Variants in EXOG observed in about 807,000 individuals in gnomAD.
EXOG encodes exo/endonuclease G.
In EXOG, 27 loss-of-function variants were observed where a neutral mutation model predicts 25.8. The ratio of observed to expected loss-of-function variants is 1.05; its 90% CI spans 0.77 to 1.45. The LOEUF (loss-of-function observed/expected upper bound fraction) is 1.45, where lower values mean the gene tolerates loss of function less well. Among genes scored for constraint, EXOG ranks in the 40% most tolerant of loss-of-function variants. EXOG has a pLI of 0.00. For synonymous variants in EXOG, 133 were observed against 167.0 expected (o/e 0.80, Z 1.57); for missense variants, 458 against 450.5 (o/e 1.02, Z -0.15).
In EXOG at chr3:38,525,921, G is replaced by T. The variant is rs1231426622; in HGVS notation, c.*1559G>T. The T allele has an allele frequency of 5.3e-6, 5 of 943,772 alleles. No individual in the cohort carries two copies. The highest frequency in any genetic ancestry group is 6.3e-6 in the Non-Finnish European group (5 of 792,290). The allele number at this position is 943,772 out of a possible 1,614,324, so 58.5% of individuals were successfully genotyped here. Reference sequence around the variant, plus strand: ...GTCATGCCACTGGACGCCAGCCTGGGCCACAGAGGGAGACCCTGTCTCAAA... The same window carrying T: ...GTCATGCCACTGGACGCCAGCCTGGTCCACAGAGGGAGACCCTGTCTCAAA... On this transcript the variant is annotated 3_prime_UTR_variant, in exon 6 of 6. Transcript: ENST00000287675.
intron 2 of EXOG, among the ~76,000 whole-genome samples, chr3:38,500,518 A>G (rs1439887453): frequency 6.6e-6 from 1 of 152,202 alleles, no homozygotes; most frequent in Non-Finnish European, 1.5e-5. Flanking sequence ...CTTTACTGTA[A>G]ACTTTGGGAT....
At chr3:38,502,737 A>C (rs1163850003) in intron 3 of EXOG, among the ~76,000 whole-genome samples, 1 of 152,180 alleles carries the variant, frequency 6.6e-6, no homozygotes, top group Admixed American at 6.5e-5. Flanking sequence ...TTTTTGATTC[A>C]GTATTCAATC....
intron 5 of EXOG, among the ~76,000 whole-genome samples, chr3:38,511,073 G>A (rs2060354992): frequency 6.6e-6 from 1 of 152,116 alleles, no homozygotes; most frequent in African/African-American, 2.4e-5. Context: ...TCAAGTACCT[G>A]TCATGTGGGA....
At chr3:38,507,835 A>C (rs906147673) in intron 5 of EXOG, among the ~76,000 whole-genome samples, 3 of 152,166 alleles carry the variant, frequency 2.0e-5, no homozygotes. Context: ...AAGTTCCAGG[A>C]TAACAACTAG....
chr3:38,501,533 G>A (rs201495281), intron 3 of EXOG, 39 bp downstream of exon 3: 2 of 1,593,160 alleles, frequency 1.3e-6, no homozygotes, highest in Admixed American at 1.7e-5. Context: ...ATATGGGGCT[G>A]ATGTTATGCA....
chr3:38,497,581 T>A, intron 1 of EXOG, 48 bp from the exon 2 acceptor site: 1 of 1,541,304 alleles, frequency 6.5e-7, no homozygotes, highest in Non-Finnish European at 8.6e-7. Context: ...TGTGTGTGTG[T>A]GTTTTTTTTG....
chr3:38,497,643 G>A lies in EXOG; in HGVS notation c.178G>A (p.Ala60Thr). The A allele has an allele frequency of 1.9e-6, 3 of 1,570,434 alleles. No individual in the cohort carries two copies. The highest frequency in any genetic ancestry group is 2.6e-6 in the Non-Finnish European group (3 of 1,166,646). ...GKQPDGSAEK[A>T]VLEQFGFPLT... is the part of the protein sequence containing the mutation. ...TTCATTTTTAGGATCTGCAGAAAAGGCTGTCTTGGAACAATTTGGATTCCC... is the reference window on the plus strand; with the variant it reads ...TTCATTTTTAGGATCTGCAGAAAAGACTGTCTTGGAACAATTTGGATTCCC... The change falls in exon 2 of 6, where the codon GCT becomes ACT. Residue 60 changes from alanine (A) to threonine (T), a missense_variant. Transcript: ENST00000287675.
chr3:38,505,836 C>T (rs1357042000), intron 4 of EXOG, among the ~76,000 whole-genome samples: 2 of 151,788 alleles, frequency 1.3e-5, no homozygotes, highest in Admixed American at 1.3e-4. Flanking sequence ...TGTGGTGGCA[C>T]ACACCTAAAA....
rs1259707137 is a variant in EXOG at position 38,526,120 on chromosome 3, C to T, written c.*1758C>T. 10 of 985,238 alleles carry T rather than the reference C, an allele frequency of 1.0e-5. No individual in the cohort carries two copies. The highest frequency in any genetic ancestry group is 1.2e-5 in the Non-Finnish European group (10 of 829,918). 61.0% of individuals were successfully genotyped at this position (985,238 alleles called of 1,614,324 possible). A position where few individuals can be genotyped will look rare whatever the true frequency, so the allele number is the denominator to read the frequency against. ...CCAGATCTCTTGATTTGGGTTTACA[C>T]GGAGTCCTTTCATGGACTATCCTGA... On this transcript the variant is annotated 3_prime_UTR_variant, in exon 6 of 6. Transcript: ENST00000287675.
At position 38,521,715 on chromosome 3, in the gene EXOG, T is replaced by C. The variant is rs1006720293; in HGVS notation, c.646-2186T>C. 3.3e-5 allele frequency among the ~76,000 whole-genome samples: 5 copies of C among 152,154 alleles called. No homozygotes were observed. The South Asian group carries it at 8.3e-4, about 25-fold the overall frequency. On this transcript the variant is annotated intron_variant, in intron 5 of 5. Coordinates refer to ENST00000287675, the MANE Select transcript of EXOG (RefSeq NM_005107.4). ...GTGCCCTCAGTTCTGGTCCCCAGCT[T>C]CCCCTGAATCCCCTTCGTGCTGTTA...
At chr3:38,497,075 CAA>C (rs5848435) in intron 1 of EXOG, 681 of 895,590 alleles carry the variant, frequency 7.6e-4, no homozygotes, top group South Asian at 1.3e-3. Context: ...TTATATTTGA[CAA>C]AAAAAAAAAA....
chr3:38,519,976 G>T (rs763207109), intron 5 of EXOG, among the ~76,000 whole-genome samples: 1 of 152,090 alleles, frequency 6.6e-6, no homozygotes, highest in Non-Finnish European at 1.5e-5. Flanking sequence ...TTTTAAGGGC[G>T]TGGTCTCTTG....
chr3:38,504,580 C>T (rs1217107040), intron 4 of EXOG, among the ~76,000 whole-genome samples: 1 of 152,042 alleles, frequency 6.6e-6, no homozygotes, highest in East Asian at 2.0e-4. Flanking sequence ...GGATTATAGG[C>T]ACACGCCACC....
chr3:38,522,255 G>A (rs2060739511), intron 5 of EXOG, among the ~76,000 whole-genome samples: 1 of 152,174 alleles, frequency 6.6e-6, no homozygotes, highest in African/African-American at 2.4e-5. Flanking sequence ...CATGTAGGTA[G>A]GAGCTTGAAA....
intron 5 of EXOG, among the ~76,000 whole-genome samples, chr3:38,517,624 C>T (rs1402082749): frequency 6.6e-6 from 1 of 152,170 alleles, no homozygotes; most frequent in Non-Finnish European, 1.5e-5. Flanking sequence ...CCCCAAAGCT[C>T]GTAGTATATG....
chr3:38,496,806 C>A, intron 1 of EXOG: 1 of 1,435,534 alleles, frequency 7.0e-7, no homozygotes, highest in Non-Finnish European at 9.2e-7. Flanking sequence ...TTACTCATCG[C>A]GATATCTATG....
At chr3:38,506,200 T>TA (rs2060198191) in intron 4 of EXOG, among the ~76,000 whole-genome samples, 1 of 152,172 alleles carries the variant, frequency 6.6e-6, no homozygotes, top group Non-Finnish European at 1.5e-5. Context: ...TTGCCATTTT[T>TA]ATCTGGTAAG....
intron 5 of EXOG, among the ~76,000 whole-genome samples, chr3:38,522,693 G>A (rs6776060): frequency 0.065 from 9,908 of 151,988 alleles, 890 homozygotes; most frequent in African/African-American, 0.19. Flanking sequence ...TAGTAGAGAT[G>A]GGGTTTCTCC....
At chr3:38,508,734 A>G (rs2060281165) in intron 5 of EXOG, among the ~76,000 whole-genome samples, 1 of 147,030 alleles carries the variant, frequency 6.8e-6, no homozygotes, top group Admixed American at 6.8e-5. Context: ...AAAAAAACCA[A>G]AACTTTTAGA....
Sources: allele counts gnomAD v4.1 joint callset (sites outside exome capture counted in the v4.1 genomes callset), GRCh38; gene constraint gnomAD v4.1.1; transcripts MANE v1.5; gene names NCBI Gene and HGNC (gene_info 2026-07-23, HGNC 2026-07-21).